PRKN: variants seen among roughly 807,000 people sequenced by gnomAD.
PRKN encodes the protein E3 ubiquitin-protein ligase parkin.
PRKN carries 56 observed loss-of-function variants against 59.5 expected under a neutral mutation model. That is an observed-to-expected ratio of 0.94 (90% CI 0.76 to 1.18). The LOEUF (loss-of-function observed/expected upper bound fraction) is 1.18, where lower values mean the gene tolerates loss of function less well. Ranked by LOEUF, PRKN falls within the 50% of genes most tolerant of loss-of-function variation. The pLI, the probability that PRKN is intolerant of heterozygous loss-of-function variation, is 0.00. For synonymous variants in PRKN, 250 were observed against 222.1 expected, an observed-to-expected ratio of 1.13 and a Z score of -1.12; for missense variants, 657 against 596.4, an observed-to-expected ratio of 1.10 and a Z score of -1.06.
intron 7 of PRKN, among the ~76,000 whole-genome samples, chr6:161,659,275 A>C (rs1201548367): frequency 6.6e-6 from 1 of 152,212 alleles, no homozygotes. Flanking sequence ...ACAATTGTTC[A>C]AAATTAATTA....
At chr6:162,350,930 A>C (rs1246674272) in intron 2 of PRKN, among the ~76,000 whole-genome samples, 1 of 152,196 alleles carries the variant, frequency 6.6e-6, no homozygotes, top group Non-Finnish European at 1.5e-5. Flanking sequence ...TCTGATAAAG[A>C]GGACTTATGT....
chr6:161,533,947 C>A lies in PRKN; in HGVS notation c.1083+14907G>T, dbSNP rs1004921489. Reference sequence around the variant, plus strand: ...GAAGGCTGTATATTCACACGACACTCGCCGTCACAGTGGTCTCTGTGACTT... The same window carrying A: ...GAAGGCTGTATATTCACACGACACTAGCCGTCACAGTGGTCTCTGTGACTT... On this transcript the variant is annotated intron_variant, in intron 9 of 11. Coordinates refer to ENST00000366898, the MANE Select transcript of PRKN (RefSeq NM_004562.3). This position sits in a 1 kb window ranked among gnomAD's most constrained non-coding sequence, Gnocchi z 4.1. Among the ~76,000 whole-genome samples the A allele has an allele frequency of 6.6e-6, 1 of 152,102 alleles. No homozygotes were observed. Among genetic ancestry groups the A allele is most frequent in the African/African-American group, 2.4e-5 (1 of 41,418 alleles).
intron 5 of PRKN, among the ~76,000 whole-genome samples, chr6:162,038,188 GA>G (rs1424595816): frequency 6.6e-6 from 1 of 151,804 alleles, no homozygotes; most frequent in East Asian, 1.9e-4. Flanking sequence ...TTTTATTTAA[GA>G]AAATTACAAA....
chr6:162,053,726 T>C (rs996509561), intron 5 of PRKN, among the ~76,000 whole-genome samples: 1 of 152,192 alleles, frequency 6.6e-6, no homozygotes, highest in Non-Finnish European at 1.5e-5. Context: ...AAAATATCAC[T>C]GGAGCAGGAG....
chr6:162,211,634 C>T (rs907007976), intron 3 of PRKN, among the ~76,000 whole-genome samples: 3 of 152,078 alleles, frequency 2.0e-5, no homozygotes, highest in Non-Finnish European at 4.4e-5. Context: ...CTCCAAACTC[C>T]CACATTCTTT....
chr6:162,610,479 G>A (rs1476619897), intron 1 of PRKN, among the ~76,000 whole-genome samples: 3 of 152,138 alleles, frequency 2.0e-5, no homozygotes, highest in Admixed American at 6.5e-5. Context: ...TCCTCACCAG[G>A]CTCACATATT....
chr6:162,709,281 A>G (rs1584093109), intron 1 of PRKN, among the ~76,000 whole-genome samples: 1 of 152,164 alleles, frequency 6.6e-6, no homozygotes, highest in East Asian at 1.9e-4. Flanking sequence ...GCCCTGATCC[A>G]TGGAAAAATT....
chr6:162,222,551 T>C (rs1309575745), intron 3 of PRKN, among the ~76,000 whole-genome samples: 3 of 152,148 alleles, frequency 2.0e-5, no homozygotes, highest in Non-Finnish European at 4.4e-5. Context: ...AGGGAATGAA[T>C]TCTGCCAACA....
chr6:162,123,981 G>A (rs1379167023), intron 4 of PRKN, among the ~76,000 whole-genome samples: 1 of 152,138 alleles, frequency 6.6e-6, no homozygotes, highest in Non-Finnish European at 1.5e-5. Context: ...TCTTCTTCCT[G>A]TTGAGTTGAT....
chr6:162,478,696 G>T lies in PRKN; in HGVS notation c.8-35223C>A, dbSNP rs542364026. ...CACGGAAGGGACTTACATAAACCCA[G>T]ATGGTACAGGCGACTCCACACCTAG... On this transcript the variant is annotated intron_variant, in intron 1 of 11. Coordinates refer to ENST00000366898, the MANE Select transcript of PRKN (RefSeq NM_004562.3). 8.5e-5 allele frequency among the ~76,000 whole-genome samples: 13 copies of T among 152,300 alleles called. No homozygotes were observed. The South Asian group carries it at 2.5e-3, about 29-fold the overall frequency.
intron 5 of PRKN, among the ~76,000 whole-genome samples, chr6:162,006,792 A>C (rs985101523): frequency 6.6e-6 from 1 of 152,066 alleles, no homozygotes; most frequent in Non-Finnish European, 1.5e-5. Context: ...TCCCATACTG[A>C]TCTCCATCAT....
intron 1 of PRKN, among the ~76,000 whole-genome samples, chr6:162,460,531 C>A (rs1313304969): frequency 1.3e-5 from 2 of 152,148 alleles, no homozygotes; most frequent in Non-Finnish European, 2.9e-5. Context: ...TGAATTATAT[C>A]TTAGTAAAAC....
intron 9 of PRKN, among the ~76,000 whole-genome samples, chr6:161,501,320 T>A (rs1175679654): frequency 6.6e-6 from 1 of 152,202 alleles, no homozygotes; most frequent in Non-Finnish European, 1.5e-5. Context: ...GCCATTTTAG[T>A]AGGTGTGTAG....
intron 2 of PRKN, among the ~76,000 whole-genome samples, chr6:162,349,014 G>C (rs6924362): frequency 0.26 from 39,710 of 152,002 alleles, 5,742 homozygotes; most frequent in African/African-American, 0.37. Flanking sequence ...GGATGAAATG[G>C]ACAAATTCTT....
At chr6:162,048,932 T>C (rs1471194822) in intron 5 of PRKN, among the ~76,000 whole-genome samples, 3 of 152,130 alleles carry the variant, frequency 2.0e-5, no homozygotes, top group Non-Finnish European at 2.9e-5. Flanking sequence ...AAAATCCTAA[T>C]TGATTTCATC....
intron 6 of PRKN, among the ~76,000 whole-genome samples, chr6:161,964,207 A>C (rs1241697717): frequency 6.6e-6 from 1 of 152,058 alleles, no homozygotes; most frequent in Non-Finnish European, 1.5e-5. Flanking sequence ...GATCAGATGT[A>C]ATTTTTTTAA....
At chr6:162,457,025 A>T (rs1013064406) in intron 1 of PRKN, among the ~76,000 whole-genome samples, 1 of 152,226 alleles carries the variant, frequency 6.6e-6, no homozygotes, top group Non-Finnish European at 1.5e-5. Flanking sequence ...TTGCAGTACG[A>T]AAGTTGAAAC....
intron 1 of PRKN, among the ~76,000 whole-genome samples, chr6:162,532,451 G>C (rs1778553677): frequency 6.6e-6 from 1 of 152,134 alleles, no homozygotes; most frequent in African/African-American, 2.4e-5. Context: ...CACTTTAAGA[G>C]TCCCTTGGGT....
rs35219002 is a variant in PRKN at position 161,357,048 on chromosome 6, CTTTTT to C, written c.1285+3035_1285+3039del. On this transcript the variant is annotated intron_variant, in intron 11 of 11. Transcript: ENST00000366898. The surrounding 1 kb of genome is among the most constrained non-coding windows in gnomAD (Gnocchi z 5.5). ...CAGGTCCAGGTTCGCTGACCACTTC[CTTTTT>C]TTTTTTTTTTTTTTTTGAGACAGAG... 1.6e-4 allele frequency among the ~76,000 whole-genome samples: 19 copies of C among 115,606 alleles called. 1 individual carries two copies. Among genetic ancestry groups the C allele is most frequent in the Non-Finnish European group, 3.4e-5 (2 of 58,114 alleles). 75.8% of individuals were successfully genotyped at this position (115,606 alleles called of 152,430 possible).
Sources: gnomAD v4.1 joint callset for allele counts (sites outside exome capture counted in the v4.1 genomes callset) on GRCh38, gnomAD v4.1.1 for gene constraint, Gnocchi (gnomAD v3.1) non-coding constraint, MANE v1.5 for transcripts, NCBI Gene and HGNC (gene_info 2026-07-23, HGNC 2026-07-21) for gene names.